CDIN1: variants seen among roughly 807,000 people sequenced by gnomAD.
CDIN1 encodes CDAN1-interacting nuclease 1.
In CDIN1, 33 loss-of-function variants were observed where a neutral mutation model predicts 45.3. The observed-to-expected ratio is 0.73, with a 90% CI of 0.55 to 0.97. The LOEUF (loss-of-function observed/expected upper bound fraction) is 0.97, where lower values mean the gene tolerates loss of function less well. Ranked by LOEUF, CDIN1 falls within the 50% of genes least tolerant of loss-of-function variation. CDIN1 has a pLI of 0.00. For missense variants in CDIN1, 303 were observed against 339.4 expected (o/e 0.89, Z 0.84); for synonymous variants, 118 against 124.4 (o/e 0.95, Z 0.34).
In CDIN1 at chr15:36,809,189, G is replaced by A; in HGVS notation, c.*736G>A. 1 of 287,496 alleles carries A rather than the reference G, an allele frequency of 3.5e-6. No homozygotes were observed. The highest frequency in any genetic ancestry group is 6.9e-6 in the Non-Finnish European group (1 of 144,988). The allele number at this position is 287,496 out of a possible 1,614,324, so 17.8% of individuals were successfully genotyped here. ...CTTATTTGAAAGTATTAGTTCCATT[G>A]TGCCTGGAAACCACACTCCTTTAGA... On this transcript the variant is annotated 3_prime_UTR_variant, in exon 11 of 11. Coordinates refer to ENST00000566621, the MANE Select transcript of CDIN1 (RefSeq NM_001321759.2).
At chr15:36,794,726 G>C (rs2054745978) in intron 10 of CDIN1, among the ~76,000 whole-genome samples, 1 of 151,984 alleles carries the variant, frequency 6.6e-6, no homozygotes, top group African/African-American at 2.4e-5. Context: ...GGGTTGCTTT[G>C]TTCTTTCTCT....
At chr15:36,714,884 C>T (rs2043170113) in intron 10 of CDIN1, among the ~76,000 whole-genome samples, 1 of 152,172 alleles carries the variant, frequency 6.6e-6, no homozygotes, top group African/African-American at 2.4e-5. Flanking sequence ...TCACTGATAC[C>T]TGGAATGTGG....
chr15:36,581,799 A>G (rs1230704678), intron 1 of CDIN1, among the ~76,000 whole-genome samples: 2 of 152,238 alleles, frequency 1.3e-5, no homozygotes, highest in African/African-American at 4.8e-5. Flanking sequence ...AGGTGGGTGA[A>G]TCACCACATC....
chr15:36,737,368 G>T (rs2044069199), intron 10 of CDIN1, among the ~76,000 whole-genome samples: 1 of 152,092 alleles, frequency 6.6e-6, no homozygotes, highest in African/African-American at 2.4e-5. Context: ...TATGTTAGGA[G>T]CATTTGGAAA....
At chr15:36,654,349 G>A (rs1303625182) in intron 4 of CDIN1, among the ~76,000 whole-genome samples, 191 bp downstream of exon 4, 1 of 152,074 alleles carries the variant, frequency 6.6e-6, no homozygotes, top group African/African-American at 2.4e-5. Flanking sequence ...TAATAAATCA[G>A]TTGACATAAT....
At chr15:36,753,485 G>A (rs1304999997) in intron 10 of CDIN1, among the ~76,000 whole-genome samples, 1 of 152,004 alleles carries the variant, frequency 6.6e-6, no homozygotes, top group Non-Finnish European at 1.5e-5. Flanking sequence ...TGGTGAATTA[G>A]TATCCTATTC....
intron 10 of CDIN1, among the ~76,000 whole-genome samples, chr15:36,775,763 T>A (rs1476641293): frequency 6.6e-6 from 1 of 152,234 alleles, no homozygotes; most frequent in African/African-American, 2.4e-5. Flanking sequence ...GTTTTCTAAA[T>A]GTATAAATAT....
intron 1 of CDIN1, among the ~76,000 whole-genome samples, chr15:36,638,887 C>A (rs1238032855): frequency 6.6e-6 from 1 of 152,192 alleles, no homozygotes; most frequent in African/African-American, 2.4e-5. Context: ...TTGCAGAACT[C>A]ATTTCTGGGA....
chr15:36,771,613 C>T (rs1472261555), intron 10 of CDIN1, among the ~76,000 whole-genome samples: 6 of 152,238 alleles, frequency 3.9e-5, no homozygotes, highest in Non-Finnish European at 5.9e-5. Context: ...TGGCTTCAGC[C>T]TTCTATTTTA....
chr15:36,615,345 G>C (rs1338232066), intron 1 of CDIN1, among the ~76,000 whole-genome samples: 1 of 152,084 alleles, frequency 6.6e-6, no homozygotes, highest in Non-Finnish European at 1.5e-5. Context: ...CAGCTTATTG[G>C]CTTAAAATGT....
At chr15:36,686,238 T>C (rs372953562) in intron 5 of CDIN1, among the ~76,000 whole-genome samples, 4 of 151,354 alleles carry the variant, frequency 2.6e-5, no homozygotes, top group African/African-American at 9.7e-5. Flanking sequence ...CCATAAAAAA[T>C]GATGAGTTCG....
At chr15:36,743,501 G>A (rs192053855) in intron 10 of CDIN1, among the ~76,000 whole-genome samples, 1 of 152,210 alleles carries the variant, frequency 6.6e-6, no homozygotes, top group East Asian at 1.9e-4. Flanking sequence ...TAGTATCAGT[G>A]GATGCTGCAG....
chr15:36,617,556 AGTT>A, intron 1 of CDIN1: 1 of 797,612 alleles, frequency 1.3e-6, no homozygotes, highest in South Asian at 1.3e-5. Context: ...CAATTTGGAC[AGTT>A]GTTAACATGG....
At chr15:36,614,067 CCTGTG>C in intron 1 of CDIN1, 1 of 1,012,314 alleles carries the variant, frequency 9.9e-7, no homozygotes, top group Non-Finnish European at 1.6e-6. Context: ...CAAGGAGAGA[CCTGTG>C]CTGAGTTTGC....
At chr15:36,692,016 T>TTGTTGGGG in intron 6 of CDIN1, 110 bp from the exon 7 acceptor site, 1 of 521,036 alleles carries the variant, frequency 1.9e-6, no homozygotes, top group Non-Finnish European at 2.4e-6. Flanking sequence ...TTTCTTTTTT[T>TTGTTGGGG]GGGGGGCGGG....
At chr15:36,582,074 G>C (rs542739173) in intron 1 of CDIN1, among the ~76,000 whole-genome samples, 10 of 152,188 alleles carry the variant, frequency 6.6e-5, no homozygotes, top group Non-Finnish European at 1.2e-4. Flanking sequence ...TCCAGTATTT[G>C]AATTTTCCCT....
chr15:36,653,796 CAG>C (rs2040668605), intron 3 of CDIN1, among the ~76,000 whole-genome samples: 1 of 152,156 alleles, frequency 6.6e-6, no homozygotes, highest in African/African-American at 2.4e-5. Context: ...AGAGACAAGG[CAG>C]AGTGATATGG....
intron 10 of CDIN1, among the ~76,000 whole-genome samples, chr15:36,791,708 ATCT>A (rs1364352925): frequency 1.3e-5 from 2 of 152,084 alleles, no homozygotes; most frequent in Non-Finnish European, 2.9e-5. Flanking sequence ...AGGCATATTT[ATCT>A]TCCTGTTTCC....
At chr15:36,661,793 C>T (rs184777130) in intron 5 of CDIN1, among the ~76,000 whole-genome samples, 1 of 152,228 alleles carries the variant, frequency 6.6e-6, no homozygotes, top group African/African-American at 2.4e-5. Flanking sequence ...TGACTTTCTA[C>T]TAGGAGCATT....
Sources: allele counts gnomAD v4.1 joint callset (sites outside exome capture counted in the v4.1 genomes callset), GRCh38; gene constraint gnomAD v4.1.1; transcripts MANE v1.5; gene names NCBI Gene and HGNC (gene_info 2026-07-23, HGNC 2026-07-21).